Variants in PDZD2 observed in about 807,000 individuals in gnomAD.
The protein encoded by PDZD2 is PDZ domain containing 2.
PDZD2 carries 90 observed loss-of-function variants against 220.7 expected under a neutral mutation model. The ratio of observed to expected loss-of-function variants is 0.41; its 90% confidence interval spans 0.34 to 0.49. PDZD2 has a LOEUF of 0.49. Ranked by LOEUF, PDZD2 falls within the 20% of genes least tolerant of loss-of-function variation. PDZD2 has a pLI of 0.28. For synonymous variants in PDZD2, 1,375 were observed against 1,450.5 expected (o/e 0.95, Z 1.18); for missense variants, 3,174 against 3,608.5 (o/e 0.88, Z 3.08).
chr5:32,048,598 G>A lies in PDZD2; in HGVS notation c.1579G>A (p.Asp527Asn). 1 of 1,614,044 alleles carries A rather than the reference G, an allele frequency of 6.2e-7. No individual in the cohort carries two copies. Among genetic ancestry groups the A allele is most frequent in the Non-Finnish European group, 8.5e-7 (1 of 1,179,898 alleles). ...EYNELMVRNG[D>N]PRIRMLEVSR... Reference sequence around the variant, plus strand: ...TAACGAGCTGATGGTGCGGAATGGGGACCCCCGGATCCGGATGTTGGAGGT... The same window carrying A: ...TAACGAGCTGATGGTGCGGAATGGGAACCCCCGGATCCGGATGTTGGAGGT... The change falls in exon 8 of 25, where the codon GAC (aspartate) becomes AAC (asparagine). Residue 527 changes from aspartate to asparagine, a missense_variant. Physicochemically the swap from Asp to Asn is conservative, Grantham distance 23. Coordinates refer to ENST00000438447, the MANE Select transcript of PDZD2 (RefSeq NM_178140.4).
At chr5:31,727,125 G>A (rs998259198) in intron 1 of PDZD2, among the ~76,000 whole-genome samples, 6 of 152,114 alleles carry the variant, frequency 3.9e-5, no homozygotes, top group East Asian at 1.9e-4. Context: ...CACCCCCACC[G>A]TCCAAACACC....
At chr5:31,919,372 TG>T (rs1225724896) in intron 2 of PDZD2, among the ~76,000 whole-genome samples, 322 of 132,108 alleles carry the variant, frequency 2.4e-3, no homozygotes, top group African/African-American at 7.9e-3. Context: ...TTTTTTTTTT[TG>T]AGACGGAGTC....
At chr5:31,707,599 T>G (rs187781609) in intron 1 of PDZD2, among the ~76,000 whole-genome samples, 1 of 152,172 alleles carries the variant, frequency 6.6e-6, no homozygotes, top group Non-Finnish European at 1.5e-5. Flanking sequence ...TATAGAAAGA[T>G]AGAGCCACAC....
In PDZD2 at chr5:31,919,143, C is replaced by T. The variant is rs1219149952; in HGVS notation, c.477-64012C>T. ...GAGTGAGTAGGTTTTACTGGAGAGT[C>T]GCTGTAACCACAGCTTGACAAATGC... On this transcript the variant is annotated intron_variant, in intron 2 of 24. Transcript: ENST00000438447. Among the ~76,000 whole-genome samples the T allele has an allele frequency of 3.9e-5, 6 of 152,152 alleles. No individual in the cohort carries two copies. The East Asian group carries it at 9.6e-4, about 24-fold the overall frequency.
At chr5:32,052,438 G>T in intron 8 of PDZD2, 173 bp from the exon 9 acceptor site, 1 of 590,036 alleles carries the variant, frequency 1.7e-6, no homozygotes, top group Non-Finnish European at 3.0e-6. Flanking sequence ...GAGCCACGGT[G>T]CCCAGCACCT....
At chr5:31,761,775 C>T (rs1021841278) in intron 1 of PDZD2, among the ~76,000 whole-genome samples, 1 of 151,364 alleles carries the variant, frequency 6.6e-6, no homozygotes. Flanking sequence ...ACAGGAGAAT[C>T]GCTTGAACCC....
intron 2 of PDZD2, chr5:31,847,901 A>G: frequency 2.1e-6 from 1 of 475,992 alleles, no homozygotes. Context: ...GCGTTACCTA[A>G]TGGAAGATGA....
chr5:31,753,531 G>A (rs554760014), intron 1 of PDZD2, among the ~76,000 whole-genome samples: 58 of 152,346 alleles, frequency 3.8e-4, no homozygotes, highest in African/African-American at 1.2e-3. Context: ...ATCCAGGGAG[G>A]TGGAGGTTGC....
At chr5:31,679,603 GT>G (rs1270603973) in intron 1 of PDZD2, among the ~76,000 whole-genome samples, 2 of 152,214 alleles carry the variant, frequency 1.3e-5, no homozygotes, top group African/African-American at 4.8e-5. Flanking sequence ...AACCTCCCAA[GT>G]TCAAGTGATT....
rs750459458 is a variant in PDZD2 at position 32,074,362 on chromosome 5, A to G, written c.3256A>G (p.Lys1086Glu). 1.2e-6 allele frequency: 2 copies of G among 1,614,084 alleles called. No individual in the cohort carries two copies. Among genetic ancestry groups the G allele is most frequent in the African/African-American group, 1.3e-5 (1 of 74,944 alleles). Residue 1086 changes from lysine to glutamate, a missense_variant, in exon 18 of 25, where the codon AAA becomes GAA. Around this residue, in one of 4 missense-constraint regions of PDZD2, gnomAD observed 1,861 missense variants for 2,001.0 expected, o/e 0.93. Coordinates refer to ENST00000438447, the MANE Select transcript of PDZD2 (RefSeq NM_178140.4). ...KELSGSSSAP[K>E]LEYTVRTDTQ... Reference sequence around the variant, plus strand: ...ACTGTCAGGATCAAGTAGCGCACCCAAATTGGAATACACAGTCCGTACAGA... The same window carrying G: ...ACTGTCAGGATCAAGTAGCGCACCCGAATTGGAATACACAGTCCGTACAGA...
intron 2 of PDZD2, among the ~76,000 whole-genome samples, chr5:31,891,913 TC>T (rs1287807043): frequency 8.6e-6 from 1 of 115,952 alleles, no homozygotes. Flanking sequence ...AGTCATGCCT[TC>T]TTTTTTTTTG....
chr5:31,815,709 G>C (rs1199031423), intron 2 of PDZD2, among the ~76,000 whole-genome samples: 1 of 152,066 alleles, frequency 6.6e-6, no homozygotes, highest in Non-Finnish European at 1.5e-5. Flanking sequence ...CAAGAAGCAG[G>C]GTTCACTTAG....
chr5:31,883,229 T>TC (rs1288797291), intron 2 of PDZD2, among the ~76,000 whole-genome samples: 2 of 143,774 alleles, frequency 1.4e-5, no homozygotes, highest in Non-Finnish European at 3.0e-5. Flanking sequence ...TTTTTTTTTT[T>TC]TTTTTTTTTG....
At chr5:31,690,804 T>C (rs1156881499) in intron 1 of PDZD2, among the ~76,000 whole-genome samples, 1 of 152,216 alleles carries the variant, frequency 6.6e-6, no homozygotes, top group African/African-American at 2.4e-5. Context: ...TAATGTAACA[T>C]TCACAGGTTC....
intron 1 of PDZD2, among the ~76,000 whole-genome samples, chr5:31,729,023 T>C (rs1749348117): frequency 1.3e-5 from 2 of 148,514 alleles, no homozygotes; most frequent in Middle Eastern, 3.9e-3. Flanking sequence ...CCGGCCGCAA[T>C]GTGCATCTTC....
chr5:32,090,644 C>G lies in PDZD2; in HGVS notation c.7196C>G (p.Ser2399Cys), dbSNP rs1484321887. Residue 2399 changes from serine (S) to cysteine (C), a missense_variant, in exon 20 of 25, where the codon TCC becomes TGC. Transcript: ENST00000438447. This position sits in a 1 kb window ranked among gnomAD's most constrained non-coding sequence, Gnocchi z 4.3. The stretch of plus-strand genomic sequence containing the variant: ...AGGTTGTTGAGACGCAGCTTGAGTT[C>G]CTGCAGCGAAAACCAAAGCGAAGCC... The part of the protein sequence containing the change: ...AARLLRRSLS[S>C]CSENQSEAGT... 1 of 1,613,938 alleles carries G rather than the reference C, an allele frequency of 6.2e-7. No homozygotes were observed. The highest frequency in any genetic ancestry group is 8.5e-7 in the Non-Finnish European group (1 of 1,180,008).
At chr5:31,658,092 A>G (rs1745620310) in intron 1 of PDZD2, among the ~76,000 whole-genome samples, 3 of 152,066 alleles carry the variant, frequency 2.0e-5, no homozygotes, top group Admixed American at 2.0e-4. Flanking sequence ...AAAAATAATC[A>G]CCCAGCTGTT....
intron 4 of PDZD2, among the ~76,000 whole-genome samples, chr5:31,999,551 A>G (rs1438213436): frequency 6.6e-6 from 1 of 152,166 alleles, no homozygotes; most frequent in Non-Finnish European, 1.5e-5. Flanking sequence ...TTTAAAAAAA[A>G]GAAAACAAGG....
intron 1 of PDZD2, among the ~76,000 whole-genome samples, chr5:31,716,470 A>C (rs571150291): frequency 2.0e-4 from 30 of 152,258 alleles, no homozygotes; most frequent in African/African-American, 7.2e-4. Context: ...TTTTTGAGGC[A>C]AGGAATGGGC....
Sources: allele counts gnomAD v4.1 joint callset (sites outside exome capture counted in the v4.1 genomes callset), GRCh38; gene constraint gnomAD v4.1.1; regional missense constraint gnomAD v4.1.1; non-coding constraint Gnocchi (gnomAD v3.1); transcripts MANE v1.5; gene names NCBI Gene and HGNC (gene_info 2026-07-23, HGNC 2026-07-21).